LRRC37B: variants seen among roughly 807,000 people sequenced by gnomAD.
LRRC37B encodes the protein leucine-rich repeat-containing protein 37B.
Under a neutral mutation model 98.3 loss-of-function variants are expected in LRRC37B, and 28 were observed. That is an observed-to-expected ratio of 0.28 (90% CI 0.21 to 0.39). The LOEUF (loss-of-function observed/expected upper bound fraction) is 0.39, where lower values mean the gene tolerates loss of function less well. Ranked by LOEUF, LRRC37B falls within the 10% of genes least tolerant of loss-of-function variation. LRRC37B has a pLI of 1.00. For synonymous variants in LRRC37B, 364 were observed against 442.7 expected (o/e 0.82, Z 2.23); for missense variants, 938 against 1,182.7 (o/e 0.79, Z 3.03).
Position 32,021,721 on chromosome 17 carries a change from T to G in LRRC37B, c.656T>G (p.Leu219Arg), listed in dbSNP as rs1270360331. 1.2e-6 allele frequency: 2 copies of G among 1,614,122 alleles called. No individual in the cohort carries two copies. The highest frequency in any genetic ancestry group is 3.3e-5 in the Admixed American group (2 of 60,010). The change falls in exon 1 of 12, where the codon CTG becomes CGG. Residue 219 changes from leucine (L) to arginine (R), a missense_variant. This residue lies in a region of LRRC37B where 610 missense variants were observed against 625.6 expected (regional missense o/e 0.98). Transcript: ENST00000327564. ...AAATTTGTTGTTTCGCCCAAGAACCTGAAGAAAGATCTAGCTGAACGTTGG... is the reference window on the plus strand; with the variant it reads ...AAATTTGTTGTTTCGCCCAAGAACCGGAAGAAAGATCTAGCTGAACGTTGG...
At chr17:32,008,068 G>A in exon 1 of LRRC37B, 1 of 500,742 alleles carries the variant, frequency 2.0e-6, no homozygotes, top group Non-Finnish European at 3.9e-6. Flanking sequence ...ATTATCCGGA[G>A]GAGCTGGAAG....
chr17:32,036,012 A>AT (rs1249952065), intron 7 of LRRC37B: 8 of 205,578 alleles, frequency 3.9e-5, no homozygotes, highest in East Asian at 1.6e-4. Context: ...ATTGTTTTTT[A>AT]TTTTTTTTGA....
chr17:32,007,763 G>A, upstream of LRRC37B: 2 of 1,192,650 alleles, frequency 1.7e-6, no homozygotes, highest in African/African-American at 3.2e-5. The surrounding 1 kb of genome is among the most constrained non-coding windows in gnomAD (Gnocchi z 4.1). Flanking sequence ...GCAGCCGCCA[G>A]GCTGAGGTGG....
chr17:32,015,896 G>A (rs917347369), intron 1 of LRRC37B, among the ~76,000 whole-genome samples: 74 of 152,320 alleles, frequency 4.9e-4, no homozygotes, highest in African/African-American at 1.6e-3. Flanking sequence ...GAAGCACAGC[G>A]CCAGGAGGCA....
At chr17:32,018,770 C>T (rs1360727877), upstream of LRRC37B, among the ~76,000 whole-genome samples, 3 of 152,142 alleles carry the variant, frequency 2.0e-5, no homozygotes, top group East Asian at 1.9e-4. Flanking sequence ...CATTATCTCC[C>T]GTATACCTTG....
rs553633245 is a variant in LRRC37B, at chr17:32,050,117, A to G, written c.2862+10A>G. On this transcript the variant is annotated intron_variant, in intron 11 of 11. Transcript: ENST00000327564. ...TTTTTGTCTTATAGAGGTAAGGACA[A>G]TAATTAATTCAGGTTTTCAGAATAC... The G allele has an allele frequency of 3.1e-5, 42 of 1,349,158 alleles. No homozygotes were observed. The highest frequency in any genetic ancestry group is 4.3e-5 in the Non-Finnish European group (40 of 938,982). 83.6% of individuals were successfully genotyped at this position (1,349,158 alleles called of 1,614,324 possible). A position where few individuals can be genotyped will look rare whatever the true frequency, so the allele number is the denominator to read the frequency against.
chr17:32,049,432 A>G (rs370255984), intron 10 of LRRC37B, 38 bp downstream of exon 13: 4 of 1,583,318 alleles, frequency 2.5e-6, no homozygotes, highest in Non-Finnish European at 3.4e-6. Flanking sequence ...CAGATTTCCC[A>G]TCATTTAGCG....
At chr17:32,022,894 T>C (rs772668235) in intron 1 of LRRC37B, 69 bp downstream of exon 4, 2 of 1,486,190 alleles carry the variant, frequency 1.3e-6, no homozygotes, top group Non-Finnish European at 1.9e-6. Context: ...CTGGAGGCCT[T>C]CCTGGGCCTT....
At chr17:32,007,713 G>T (rs1910441605), upstream of LRRC37B, among the ~76,000 whole-genome samples, 2 of 151,540 alleles carry the variant, frequency 1.3e-5, no homozygotes, top group South Asian at 4.1e-4. This position sits in a 1 kb window ranked among gnomAD's most constrained non-coding sequence, Gnocchi z 4.1. Flanking sequence ...CCCATCGGGG[G>T]CTCCCCTCGC....
At chr17:32,037,940 T>C (rs573257894) in intron 7 of LRRC37B, among the ~76,000 whole-genome samples, 1 of 152,084 alleles carries the variant, frequency 6.6e-6, no homozygotes, top group African/African-American at 2.4e-5. Flanking sequence ...ACCCAGTCTC[T>C]ACTAAATACA....
At chr17:32,046,021 A>C (rs2627092) in intron 8 of LRRC37B, among the ~76,000 whole-genome samples, 2 of 152,256 alleles carry the variant, frequency 1.3e-5, no homozygotes, top group South Asian at 2.1e-4. Flanking sequence ...ATAATGGAAC[A>C]GTTCCATATG....
exon 3 of LRRC37B, chr17:32,027,795 A>C: frequency 6.2e-7 from 1 of 1,607,374 alleles, no homozygotes; most frequent in East Asian, 2.2e-5. Flanking sequence ...TATTTGACTG[A>C]ATTACCTAAG....
At chr17:32,019,387 G>C (rs1440816238), upstream of LRRC37B, among the ~76,000 whole-genome samples, 1 of 152,162 alleles carries the variant, frequency 6.6e-6, no homozygotes, top group Non-Finnish European at 1.5e-5. Flanking sequence ...TATGCTGTAG[G>C]CTACACCACC....
intron 1 of LRRC37B, 38 bp downstream of exon 4, chr17:32,022,863 G>A (rs1275964702): frequency 6.3e-7 from 1 of 1,585,708 alleles, no homozygotes; most frequent in African/African-American, 1.3e-5. Context: ...TCTGTGTCTT[G>A]CCTGACATGG....
intron 3 of LRRC37B, 113 bp downstream of exon 6, chr17:32,027,953 C>A: frequency 3.9e-6 from 3 of 775,504 alleles, no homozygotes; most frequent in Admixed American, 2.9e-5. Flanking sequence ...TTCTGCAATT[C>A]TGTAAGTTTG....
upstream of LRRC37B, chr17:32,020,882 G>A: frequency 7.7e-7 from 1 of 1,303,980 alleles, no homozygotes; most frequent in Non-Finnish European, 1.0e-6. Flanking sequence ...GGAGTCCTGG[G>A]ACCACCCCGG....
chr17:32,029,710 T>C (rs1911060337), intron 3 of LRRC37B, among the ~76,000 whole-genome samples: 3 of 151,144 alleles, frequency 2.0e-5, no homozygotes, highest in African/African-American at 7.3e-5. Context: ...GGAGGGAGAG[T>C]AGGAAATTGG....
chr17:32,022,251 G>A (rs747740769), exon 1 of LRRC37B: 4 of 1,613,898 alleles, frequency 2.5e-6, no homozygotes, highest in Non-Finnish European at 3.4e-6. Context: ...CCAGCAGGAG[G>A]CCCCAATTCA....
intron 7 of LRRC37B, among the ~76,000 whole-genome samples, chr17:32,044,696 G>T (rs1347940988): frequency 6.6e-6 from 1 of 152,068 alleles, no homozygotes; most frequent in African/African-American, 2.4e-5. Flanking sequence ...GAACAACAAG[G>T]TGAAACCCTG....
Sources: allele counts gnomAD v4.1 joint callset (sites outside exome capture counted in the v4.1 genomes callset), GRCh38; gene constraint gnomAD v4.1.1; regional missense constraint gnomAD v4.1.1; non-coding constraint Gnocchi (gnomAD v3.1); transcripts MANE v1.5; gene names NCBI Gene and HGNC (gene_info 2026-07-23, HGNC 2026-07-21).